EXOC3: variants seen among roughly 807,000 people sequenced by gnomAD.
The protein encoded by EXOC3 is SEC6-like 1.
EXOC3 carries 21 observed loss-of-function variants against 73.7 expected under a neutral mutation model. The ratio of observed to expected loss-of-function variants is 0.29; its 90% CI spans 0.20 to 0.41. EXOC3 has a LOEUF of 0.41. Ranked by LOEUF, EXOC3 falls within the 10% of genes least tolerant of loss-of-function variation. The probability of loss-of-function intolerance (pLI) is 1.00; values close to 1 mark genes in which losing one functional copy is unlikely to be tolerated. For missense variants in EXOC3, 842 were observed against 985.1 expected (o/e 0.85, Z 1.95); for synonymous variants, 410 against 389.1 (o/e 1.05, Z -0.63).
At position 447,589 on chromosome 5, in the gene EXOC3, C is replaced by G. The variant is rs556413338; in HGVS notation, c.201C>G (p.Asn67Lys). ...GVRTGLSQLH[N>K]ALNDVKDIQQ... Reference sequence around the variant, plus strand: ...GCACAGGCCTCAGCCAGCTCCACAACGCCCTGAATGACGTCAAAGACATCC... The same window carrying G: ...GCACAGGCCTCAGCCAGCTCCACAAGGCCCTGAATGACGTCAAAGACATCC... Residue 67 changes from asparagine to lysine, a missense_variant, in exon 3 of 13, where the codon AAC (asparagine) becomes AAG (lysine). By Grantham distance (94) the Asn-to-Lys change is moderately conservative. Transcript: ENST00000512944. The G allele has an allele frequency of 6.3e-7, 1 of 1,591,280 alleles. No homozygotes were observed. Among genetic ancestry groups the G allele is most frequent in the Admixed American group, 1.8e-5 (1 of 57,080 alleles).
rs769836655 is a variant in EXOC3 at position 465,282 on chromosome 5, G to C, written c.1938+10G>C. On this transcript the variant is annotated intron_variant, in intron 11 of 12. Transcript: ENST00000512944. ...CCGGAAGCTGGCGTCCGTGAGTGTC[G>C]CGCAGGTCCGGGCTGGAGAAGGCCT... is the stretch of plus-strand genomic sequence containing the variant. 15 of 1,570,898 alleles carry C rather than the reference G, an allele frequency of 9.5e-6. No homozygotes were observed. Among genetic ancestry groups the C allele is most frequent in the African/African-American group, 1.3e-5 (1 of 74,102 alleles).
At position 454,095 on chromosome 5, in the gene EXOC3, G is replaced by A. The variant is rs766730559; in HGVS notation, c.1046+44G>A. On this transcript the variant is annotated intron_variant, in intron 4 of 12. Transcript: ENST00000512944. ...CTGTGTTGGCTCTTAGGTAGAAGCC[G>A]TGTGTGAGAGGGGCCTGCAGCTGCT... 2.2e-5 allele frequency: 33 copies of A among 1,470,248 alleles called. No individual in the cohort carries two copies. Among genetic ancestry groups the A allele is most frequent in the South Asian group, 1.1e-4 (9 of 79,272 alleles). The allele number at this position is 1,470,248 out of a possible 1,614,324, so 91.1% of individuals were successfully genotyped here. A position where few individuals can be genotyped will look rare whatever the true frequency, so the allele number is the denominator to read the frequency against.
chr5:447,324 T>G, intron 2 of EXOC3: 1 of 549,972 alleles, frequency 1.8e-6, no homozygotes, highest in Non-Finnish European at 3.2e-6. Flanking sequence ...AAATGCATCA[T>G]TGTTCTGTTC....
At chr5:461,909 C>G in intron 7 of EXOC3, 51 bp from the exon 8 acceptor site, 1 of 1,337,976 alleles carries the variant, frequency 7.5e-7, no homozygotes, top group Non-Finnish European at 1.0e-6. Flanking sequence ...GCATTTGAAA[C>G]AGCTCCATGT....
In EXOC3 at chr5:459,379, A is replaced by G. The variant is rs1352959086; in HGVS notation, c.1311A>G (p.Gln437=). 6 of 1,560,988 alleles carry G rather than the reference A, an allele frequency of 3.8e-6. 1 individual carries two copies. Among genetic ancestry groups the G allele is most frequent in the Non-Finnish European group, 4.4e-6 (5 of 1,147,200 alleles). ...IVFQMFEQNL[Q]VAAQISEDLK... is the part of the protein sequence containing the mutation. ...TTTAGATGTTTGAACAGAATCTTCAAGTTGCTGCTCAGATAAGTGAAGATT... is the reference window on the plus strand; with the variant it reads ...TTTAGATGTTTGAACAGAATCTTCAGGTTGCTGCTCAGATAAGTGAAGATT... Residue 437 remains glutamine (Q), a synonymous_variant, in exon 7 of 13, where the codon CAA becomes CAG. Coordinates refer to ENST00000512944, the MANE Select transcript of EXOC3 (RefSeq NM_007277.5).
At chr5:462,121 C>T (rs1738005114) in intron 8 of EXOC3, 36 bp from the exon 9 acceptor site, 3 of 1,610,850 alleles carry the variant, frequency 1.9e-6, no homozygotes, top group South Asian at 1.1e-5. Flanking sequence ...CCGGCCTGCC[C>T]AGCCGCTGTG....
chr5:464,978 G>A, intron 10 of EXOC3, 133 bp from the exon 11 acceptor site: 2 of 928,198 alleles, frequency 2.2e-6, no homozygotes, highest in Non-Finnish European at 3.1e-6. Context: ...AGATGCCAGA[G>A]CCGTGGCGGA....
At chr5:465,613 T>C (rs1309113004) in intron 11 of EXOC3, 105 bp from the exon 12 acceptor site, 8 of 1,413,434 alleles carry the variant, frequency 5.7e-6, no homozygotes, top group Admixed American at 1.9e-5. Context: ...AGGAGTCAGG[T>C]GAAGAGGGAG....
chr5:448,890 G>A (rs968650242), intron 3 of EXOC3, among the ~76,000 whole-genome samples: 3 of 152,178 alleles, frequency 2.0e-5, no homozygotes, highest in Non-Finnish European at 4.4e-5. Flanking sequence ...TGCCCAACAC[G>A]AACGCCACTG....
At chr5:443,581 G>C (rs572265601) in intron 1 of EXOC3, among the ~76,000 whole-genome samples, 10 of 151,764 alleles carry the variant, frequency 6.6e-5, no homozygotes, top group African/African-American at 2.4e-4. Flanking sequence ...CCCCTTAACA[G>C]TGTCTTCCCC....
chr5:457,623 C>T, intron 5 of EXOC3: 1 of 340,040 alleles, frequency 2.9e-6, no homozygotes, highest in Non-Finnish European at 5.5e-6. Context: ...CGGCCTTGTC[C>T]TCCAGCATGA....
chr5:453,910 C>T lies in EXOC3; in HGVS notation c.905C>T (p.Pro302Leu), dbSNP rs1287245399. ...VAKNLMVQCF[P>L]PHYEIFKNLL... Reference sequence around the variant, plus strand: ...AAAAACCTGATGGTTCAGTGCTTTCCTCCCCACTATGAGATCTTTAAGAAC... The same window carrying T: ...AAAAACCTGATGGTTCAGTGCTTTCTTCCCCACTATGAGATCTTTAAGAAC... Residue 302 changes from proline (P) to leucine (L), a missense_variant, in exon 4 of 13, where the codon CCT becomes CTT. Pro to Leu is a moderately conservative substitution (Grantham distance 98, BLOSUM62 -3). Transcript: ENST00000512944. 6.2e-7 allele frequency: 1 copy of T among 1,613,904 alleles called. No individual in the cohort carries two copies. The highest frequency in any genetic ancestry group is 1.3e-5 in the African/African-American group (1 of 74,910).
intron 2 of EXOC3, among the ~76,000 whole-genome samples, chr5:446,861 A>AG (rs1737523550): frequency 2.0e-5 from 3 of 152,080 alleles, no homozygotes; most frequent in Non-Finnish European, 2.9e-5. Flanking sequence ...TGTCTCAAAA[A>AG]GAAAAAAAAA....
chr5:464,117 C>T (rs1300375664), intron 9 of EXOC3, among the ~76,000 whole-genome samples, 173 bp from the exon 10 acceptor site: 1 of 152,056 alleles, frequency 6.6e-6, no homozygotes, highest in Non-Finnish European at 1.5e-5. Context: ...AAGTGCCTCC[C>T]TCCCACGCTG....
intron 3 of EXOC3, among the ~76,000 whole-genome samples, chr5:449,054 G>A (rs984470270): frequency 2.0e-5 from 3 of 152,132 alleles, no homozygotes; most frequent in African/African-American, 4.8e-5. Context: ...ATTTCCTTCC[G>A]GTCTTTTAAA....
chr5:464,477 G>A (rs776379327), intron 10 of EXOC3, 65 bp downstream of exon 10: 17 of 1,564,922 alleles, frequency 1.1e-5, no homozygotes, highest in East Asian at 6.8e-5. Context: ...ACCCTGCTCA[G>A]AATTCAGCAT....
intron 9 of EXOC3, 21 bp from the exon 10 acceptor site, chr5:464,269 T>A: frequency 6.2e-7 from 1 of 1,610,564 alleles, no homozygotes; most frequent in Non-Finnish European, 8.5e-7. Context: ...ATGATTTCTA[T>A]GATCTGTTTC....
chr5:446,138 C>G lies in EXOC3; in HGVS notation c.-56-12C>G. 6.3e-7 allele frequency: 1 copy of G among 1,588,682 alleles called. No individual in the cohort carries two copies. Among genetic ancestry groups the G allele is most frequent in the South Asian group, 1.1e-5 (1 of 90,200 alleles). ...GTACCTAACATTTCTACCGTCCTAACAACTCCTGCAGTGCACAGAGAACAC... is the reference window on the plus strand; with the variant it reads ...GTACCTAACATTTCTACCGTCCTAAGAACTCCTGCAGTGCACAGAGAACAC... On this transcript the variant is annotated splice_polypyrimidine_tract_variant and intron_variant, in intron 1 of 12. Transcript: ENST00000512944.
intron 4 of EXOC3, among the ~76,000 whole-genome samples, chr5:454,603 A>T (rs1737750264): frequency 6.6e-6 from 1 of 152,208 alleles, no homozygotes; most frequent in South Asian, 2.1e-4. Flanking sequence ...TCCTTTTTGT[A>T]TCCTAGTACG....
Sources: gnomAD v4.1 joint callset for allele counts (sites outside exome capture counted in the v4.1 genomes callset) on GRCh38, gnomAD v4.1.1 for gene constraint, MANE v1.5 for transcripts, NCBI Gene and HGNC (gene_info 2026-07-23, HGNC 2026-07-21) for gene names.